The following KLHL29 variants were observed in gnomAD, a reference collection of about 807,000 sequenced individuals.
The protein encoded by KLHL29 is kelch-like protein 29.
KLHL29 carries 21 observed loss-of-function variants against 80.4 expected under a neutral mutation model. The observed-to-expected ratio is 0.26, with a 90% confidence interval of 0.19 to 0.38. The LOEUF (loss-of-function observed/expected upper bound fraction) is 0.38. Ranked by LOEUF, KLHL29 falls within the 10% of genes least tolerant of loss-of-function variation. The pLI is 1.00. For missense variants in KLHL29, 867 were observed against 1,223.9 expected (o/e 0.71, Z 4.35); for synonymous variants, 511 against 526.8 (o/e 0.97, Z 0.41).
chr2:23,601,039 CTG>C (rs1406498616), intron 3 of KLHL29, among the ~76,000 whole-genome samples: 1 of 152,248 alleles, frequency 6.6e-6, no homozygotes, highest in East Asian at 1.9e-4. Flanking sequence ...GAGAAGAAAA[CTG>C]AGGCCTAGAG....
At chr2:23,433,696 T>A (rs1239813863) in intron 1 of KLHL29, among the ~76,000 whole-genome samples, 4 of 152,118 alleles carry the variant, frequency 2.6e-5, no homozygotes, top group African/African-American at 7.2e-5. Flanking sequence ...GGAGGACCGC[T>A]TGAAGCCAGG....
At chr2:23,418,028 G>A (rs1027699891) in intron 1 of KLHL29, among the ~76,000 whole-genome samples, 11 of 152,222 alleles carry the variant, frequency 7.2e-5, no homozygotes, top group Non-Finnish European at 1.3e-4. Context: ...GGCAGGGTCT[G>A]TCTTGCTCAT....
chr2:23,578,821 C>G (rs907975449), intron 3 of KLHL29, among the ~76,000 whole-genome samples: 1 of 152,228 alleles, frequency 6.6e-6, no homozygotes, highest in Non-Finnish European at 1.5e-5. Context: ...AGCCCCGTGG[C>G]TGCCTCTCAT....
chr2:23,564,423 C>T (rs542554687), intron 3 of KLHL29, among the ~76,000 whole-genome samples: 10 of 152,278 alleles, frequency 6.6e-5, no homozygotes, highest in Admixed American at 4.6e-4. Context: ...GAGGACAGCC[C>T]GCTCCTTGGC....
intron 2 of KLHL29, among the ~76,000 whole-genome samples, chr2:23,517,482 G>T (rs557016803): frequency 6.6e-6 from 1 of 152,360 alleles, no homozygotes; most frequent in African/African-American, 2.4e-5. Context: ...GGCAGAGGTT[G>T]CAGTGAGCCG....
intron 1 of KLHL29, among the ~76,000 whole-genome samples, chr2:23,442,582 C>A (rs1053534501): frequency 2.0e-5 from 3 of 152,302 alleles, no homozygotes; most frequent in South Asian, 2.1e-4. Context: ...CCGGAGCCTC[C>A]AGAAGGAACA....
chr2:23,425,172 TTAAC>T (rs1415820477), intron 1 of KLHL29, among the ~76,000 whole-genome samples: 2 of 152,238 alleles, frequency 1.3e-5, no homozygotes, highest in African/African-American at 4.8e-5. Context: ...TATAAAATAT[TTAAC>T]TAAAAATCTT....
At chr2:23,463,587 G>C (rs970711014) in intron 1 of KLHL29, among the ~76,000 whole-genome samples, 3 of 152,090 alleles carry the variant, frequency 2.0e-5, no homozygotes, top group Admixed American at 6.5e-5. Flanking sequence ...TGTGAATGTA[G>C]GCAGAGGTCT....
chr2:23,564,955 G>A (rs188512745), intron 3 of KLHL29, among the ~76,000 whole-genome samples: 3 of 152,200 alleles, frequency 2.0e-5, no homozygotes, highest in Admixed American at 6.5e-5. Flanking sequence ...CCCTTCTACC[G>A]CTTGCTATCT....
intron 3 of KLHL29, among the ~76,000 whole-genome samples, chr2:23,563,615 C>T (rs562524638): frequency 6.6e-6 from 1 of 152,110 alleles, no homozygotes; most frequent in Admixed American, 6.5e-5. Context: ...TGTGAGGTGG[C>T]TGTGGTGCTG....
intron 1 of KLHL29, among the ~76,000 whole-genome samples, chr2:23,421,524 TTGTGTGTGTGTGTGTGTGTG>T (rs57348539): frequency 6.3e-5 from 9 of 143,514 alleles, no homozygotes; most frequent in Admixed American, 1.4e-4. Context: ...TTAGACAAGA[TTGTGTGTGTGTGTGTGTGTG>T]TGTGTGTGTG....
intron 3 of KLHL29, among the ~76,000 whole-genome samples, chr2:23,591,366 T>G (rs907237284): frequency 2.0e-5 from 3 of 152,160 alleles, no homozygotes; most frequent in Admixed American, 1.3e-4. Flanking sequence ...CAGCCCTCTC[T>G]GTGCTCCTGA....
intron 3 of KLHL29, among the ~76,000 whole-genome samples, chr2:23,604,205 G>A (rs539968982): frequency 1.3e-5 from 2 of 152,134 alleles, no homozygotes; most frequent in South Asian, 4.1e-4. Flanking sequence ...AGGCTGCAGT[G>A]CAGTGGTACA....
intron 2 of KLHL29, among the ~76,000 whole-genome samples, chr2:23,526,019 G>A (rs1029009270): frequency 1.3e-5 from 2 of 152,228 alleles, no homozygotes; most frequent in African/African-American, 2.4e-5. Context: ...GTCCTCAGAA[G>A]CGTGGATGTT....
chr2:23,518,632 A>G (rs1242836394), intron 2 of KLHL29, among the ~76,000 whole-genome samples: 3 of 152,164 alleles, frequency 2.0e-5, no homozygotes. Flanking sequence ...CTCCCTGGCC[A>G]GTACCCAGGA....
rs141104144 is a variant in KLHL29 at position 23,575,132 on chromosome 2, G to A, written c.285+12651G>A. On this transcript the variant is annotated intron_variant, in intron 3 of 13. Coordinates refer to ENST00000486442, the MANE Select transcript of KLHL29 (RefSeq NM_052920.2). ...CAGGCTCGGAGCTGCCTGGCCGGCC[G>A]CAAGTTTACTGCCAAGCACAGTGGG... Among the ~76,000 whole-genome samples, 860 of 152,314 alleles carry A rather than the reference G, an allele frequency of 5.6e-3. 5 individuals carry two copies. The highest frequency in any genetic ancestry group is 9.7e-3 in the Non-Finnish European group (661 of 68,030).
At chr2:23,515,673 C>T (rs554607317) in intron 2 of KLHL29, among the ~76,000 whole-genome samples, 50 of 152,334 alleles carry the variant, frequency 3.3e-4, no homozygotes, top group African/African-American at 1.1e-3. Context: ...CTCCTGTGAA[C>T]GAGGATCTAA....
chr2:23,534,498 C>G (rs1442081798), intron 2 of KLHL29, among the ~76,000 whole-genome samples: 1 of 151,774 alleles, frequency 6.6e-6, no homozygotes, highest in Non-Finnish European at 1.5e-5. Context: ...CCCCCACCTC[C>G]GAGAAGCCTT....
intron 3 of KLHL29, among the ~76,000 whole-genome samples, chr2:23,635,498 G>T (rs1424088050): frequency 6.6e-6 from 1 of 152,220 alleles, no homozygotes; most frequent in African/African-American, 2.4e-5. Flanking sequence ...CCTCTGCGCT[G>T]CCTCACGGAG....
Sources: gnomAD v4.1 joint callset for allele counts (sites outside exome capture counted in the v4.1 genomes callset) on GRCh38, gnomAD v4.1.1 for gene constraint, MANE v1.5 for transcripts, NCBI Gene and HGNC (gene_info 2026-07-23, HGNC 2026-07-21) for gene names.